PEX5L: variants seen among roughly 807,000 people sequenced by gnomAD.
PEX5L encodes peroxisomal biogenesis factor 5 like.
In PEX5L, 30 loss-of-function variants were observed where a neutral mutation model predicts 84.0. The observed-to-expected ratio is 0.36, with a 90% CI of 0.27 to 0.48. The LOEUF is 0.48. Ranked by LOEUF, PEX5L falls within the 20% of genes least tolerant of loss-of-function variation. The pLI, the probability that PEX5L is intolerant of heterozygous loss-of-function variation, is 0.99. For missense variants in PEX5L, 533 were observed against 754.6 expected (o/e 0.71, Z 3.44); for synonymous variants, 270 against 283.1 (o/e 0.95, Z 0.46).
chr3:180,002,427 G>A (rs1227026614), intron 1 of PEX5L, among the ~76,000 whole-genome samples: 5 of 152,106 alleles, frequency 3.3e-5, no homozygotes, highest in African/African-American at 1.2e-4. Flanking sequence ...TCTGATGAGT[G>A]TAAAGTGATA....
chr3:179,863,358 A>G (rs929030267), intron 7 of PEX5L, among the ~76,000 whole-genome samples: 25 of 152,162 alleles, frequency 1.6e-4, no homozygotes, highest in Admixed American at 1.6e-3. Context: ...CAAACTCAAA[A>G]ACTTCCACAC....
At chr3:179,835,263 A>T (rs1056526893) in intron 8 of PEX5L, among the ~76,000 whole-genome samples, 3 of 152,254 alleles carry the variant, frequency 2.0e-5, no homozygotes, top group Non-Finnish European at 4.4e-5. Flanking sequence ...ATGTGATCTC[A>T]GCCAAATCAA....
intron 1 of PEX5L, among the ~76,000 whole-genome samples, chr3:179,983,987 G>T (rs527276360): frequency 2.2e-4 from 34 of 152,026 alleles, no homozygotes; most frequent in South Asian, 4.1e-4. Context: ...CCAAAATCAT[G>T]CATGAGTTAA....
chr3:179,798,172 A>G lies in PEX5L; in HGVS notation c.*3656T>C, dbSNP rs1717778451. On this transcript the variant is annotated 3_prime_UTR_variant, in exon 15 of 15. Transcript: ENST00000467460. The stretch of plus-strand genomic sequence containing the variant: ...GTATCTTAAAGAGAAGAATGAGGAA[A>G]GTGGCATGAAACTCTAAAAGTGAGT... The G allele has an allele frequency of 6.6e-6, 1 of 152,216 alleles. No homozygotes were observed. The highest frequency in any genetic ancestry group is 6.5e-5 in the Admixed American group (1 of 15,282). The allele number at this position is 152,216 out of a possible 1,614,324, so 9.4% of individuals were successfully genotyped here.
intron 1 of PEX5L, among the ~76,000 whole-genome samples, chr3:179,992,536 G>A (rs999256915): frequency 2.0e-5 from 3 of 152,166 alleles, no homozygotes; most frequent in African/African-American, 7.2e-5. Context: ...ATCAATGACT[G>A]TGTGTTTTTT....
At chr3:179,929,577 T>C (rs1524517) in intron 2 of PEX5L, among the ~76,000 whole-genome samples, 37,439 of 151,340 alleles carry the variant, frequency 0.25, 5,436 homozygotes, top group East Asian at 0.59. Flanking sequence ...AGCATTTAGA[T>C]ATAGAACTAC....
chr3:180,000,504 C>A (rs1038393687), intron 1 of PEX5L, among the ~76,000 whole-genome samples: 1 of 152,112 alleles, frequency 6.6e-6, no homozygotes, highest in South Asian at 2.1e-4. Flanking sequence ...GGAAAAAAAA[C>A]CACGACCTGC....
At chr3:179,892,725 C>A (rs1343773075) in intron 3 of PEX5L, among the ~76,000 whole-genome samples, 2 of 151,974 alleles carry the variant, frequency 1.3e-5, no homozygotes, top group Admixed American at 6.6e-5. Flanking sequence ...CCTACTGATA[C>A]CTAAGAAAAT....
At chr3:179,982,782 A>T (rs765140047) in intron 1 of PEX5L, among the ~76,000 whole-genome samples, 5 of 152,128 alleles carry the variant, frequency 3.3e-5, no homozygotes, top group Non-Finnish European at 7.4e-5. Context: ...TTCTTATAAA[A>T]TTGTCCTGGG....
chr3:180,010,990 C>T (rs1789420226), intron 1 of PEX5L, among the ~76,000 whole-genome samples: 1 of 152,152 alleles, frequency 6.6e-6, no homozygotes, highest in African/African-American at 2.4e-5. Flanking sequence ...TGTTCAAATA[C>T]AGGGTCTTCC....
intron 1 of PEX5L, among the ~76,000 whole-genome samples, chr3:180,022,890 A>G (rs934380707): frequency 3.9e-5 from 6 of 152,212 alleles, no homozygotes; most frequent in Non-Finnish European, 7.3e-5. Flanking sequence ...TAAATGTTAC[A>G]GGTGTTGAGT....
chr3:180,004,299 A>G (rs1440735230), intron 1 of PEX5L, among the ~76,000 whole-genome samples: 2 of 152,226 alleles, frequency 1.3e-5, no homozygotes, highest in African/African-American at 4.8e-5. Flanking sequence ...ACAGTTTCAT[A>G]TTCAAAATAG....
rs750125479 is a variant in PEX5L, at chr3:179,880,111, C to A, written c.323G>T (p.Gly108Val). The change falls in exon 5 of 15, where the codon GGC (glycine) becomes GTC (valine). Residue 108 changes from glycine (G) to valine (V), a missense_variant. Coordinates refer to ENST00000467460, the MANE Select transcript of PEX5L (RefSeq NM_016559.3). Reference protein sequence around the residue: ...VTSNTAVLTTGLDLLDLSEPV... With the variant: ...VTSNTAVLTTVLDLLDLSEPV... ...TTCACTCAGGTCGAGGAGATCTAAG[C>A]CAGTGGTCAATACTACCAGAAATGG... 1 of 1,604,600 alleles carries A rather than the reference C, an allele frequency of 6.2e-7. No homozygotes were observed. The highest frequency in any genetic ancestry group is 1.1e-5 in the South Asian group (1 of 89,608).
At chr3:179,828,062 G>C (rs1022293896) in intron 8 of PEX5L, among the ~76,000 whole-genome samples, 1 of 152,030 alleles carries the variant, frequency 6.6e-6, no homozygotes. Context: ...TGATCACCTG[G>C]CCTGCCTTCA....
chr3:179,961,938 G>A (rs1353738649), intron 2 of PEX5L, among the ~76,000 whole-genome samples: 1 of 71,058 alleles, frequency 1.4e-5, no homozygotes, highest in African/African-American at 4.2e-5. Flanking sequence ...ACCAGGTGGA[G>A]AGGCCCTGAG....
At chr3:179,930,977 T>C (rs952568338) in intron 2 of PEX5L, among the ~76,000 whole-genome samples, 1 of 152,214 alleles carries the variant, frequency 6.6e-6, no homozygotes, top group Non-Finnish European at 1.5e-5. Flanking sequence ...CTGTTCAGCC[T>C]TGTATTTCCA....
At chr3:179,941,449 C>G (rs892302836) in intron 2 of PEX5L, among the ~76,000 whole-genome samples, 5 of 152,162 alleles carry the variant, frequency 3.3e-5, no homozygotes, top group African/African-American at 7.2e-5. Flanking sequence ...TTATAGTAAG[C>G]GTTCAACATT....
In PEX5L at chr3:179,847,665, T is replaced by C. The variant is rs568046815; in HGVS notation, c.822+11397A>G. On this transcript the variant is annotated intron_variant, in intron 8 of 14. Transcript: ENST00000467460. ...GTGTTTTTAGTCAGAAAAGAATATT[T>C]AGTCATTCAGTATTTTGATTTTACT... Among the ~76,000 whole-genome samples the C allele has an allele frequency of 2.0e-4, 31 of 152,332 alleles. No homozygotes were observed. In the South Asian group the frequency reaches 6.4e-3, roughly 32 times the overall value.
intron 2 of PEX5L, among the ~76,000 whole-genome samples, chr3:179,916,701 G>A (rs995215179): frequency 7.2e-5 from 11 of 152,028 alleles, no homozygotes; most frequent in South Asian, 2.1e-4. Flanking sequence ...ACAGCGTCTC[G>A]TTTTGTCACT....
Sources: gnomAD v4.1 joint callset for allele counts (sites outside exome capture counted in the v4.1 genomes callset) on GRCh38, gnomAD v4.1.1 for gene constraint, MANE v1.5 for transcripts, NCBI Gene and HGNC (gene_info 2026-07-23, HGNC 2026-07-21) for gene names.